LOXL1: variants seen among roughly 807,000 people sequenced by gnomAD.
LOXL1 encodes lysyl oxidase like 1.
LOXL1 carries 31 observed loss-of-function variants against 62.2 expected under a neutral mutation model. The observed-to-expected ratio is 0.50, with a 90% CI of 0.37 to 0.67. The LOEUF (loss-of-function observed/expected upper bound fraction) is 0.67, where lower values mean the gene tolerates loss of function less well. Ranked by LOEUF, LOXL1 falls within the 30% of genes least tolerant of loss-of-function variation. The pLI is 0.00. For synonymous variants in LOXL1, 403 were observed against 384.4 expected (o/e 1.05, Z -0.56); for missense variants, 775 against 843.4 (o/e 0.92, Z 1.00).
chr15:73,936,998 C>T (rs2068677978), intron 1 of LOXL1, among the ~76,000 whole-genome samples: 1 of 152,270 alleles, frequency 6.6e-6, no homozygotes, highest in Non-Finnish European at 1.5e-5. Context: ...TCTCCCTCAT[C>T]ATCCAGATGG....
Position 73,927,829 on chromosome 15 carries a change from C to A in LOXL1, c.1046C>A (p.Ala349Glu). The change falls in exon 1 of 7, where the codon GCG (alanine) becomes GAG (glutamate). Residue 349 changes from alanine to glutamate, a missense_variant. Transcript: ENST00000261921. ...TPPPGGERNG[A>E]QQGRLSVGSV... The stretch of plus-strand genomic sequence containing the variant: ...CCGCCGGGTGGGGAGCGGAACGGCG[C>A]GCAGCAGGGCCGCCTCAGCGTGGGC... 7.4e-7 allele frequency: 1 copy of A among 1,348,458 alleles called. No homozygotes were observed. Among genetic ancestry groups the A allele is most frequent in the Non-Finnish European group, 9.4e-7 (1 of 1,058,512 alleles). The allele number at this position is 1,348,458 out of a possible 1,614,324, so 83.5% of individuals were successfully genotyped here.
Position 73,952,035 on chromosome 15 carries a change from T to G in LOXL1, c.*198T>G. 2.4e-6 allele frequency: 1 copy of G among 414,636 alleles called. No individual in the cohort carries two copies. 25.7% of individuals were successfully genotyped at this position (414,636 alleles called of 1,614,324 possible). ...CCCCATTTTATACTTCACTTTTCTCTACAGTGTTGTTTTGTTGTTGTTGGT... is the reference window on the plus strand; with the variant it reads ...CCCCATTTTATACTTCACTTTTCTCGACAGTGTTGTTTTGTTGTTGTTGGT... On this transcript the variant is annotated 3_prime_UTR_variant, in exon 7 of 7. Transcript: ENST00000261921.
chr15:73,935,833 T>C (rs1240457414), intron 1 of LOXL1, among the ~76,000 whole-genome samples: 1 of 151,682 alleles, frequency 6.6e-6, no homozygotes, highest in Non-Finnish European at 1.5e-5. Flanking sequence ...GGTGGACAGG[T>C]GAGTGCTGTA....
rs8818 is a variant in LOXL1 at position 73,951,937 on chromosome 15, C to G, written c.*100C>G. 0.77 allele frequency: 891,140 copies of G among 1,155,798 alleles called. 347,430 individuals are homozygous for G. Among genetic ancestry groups the G allele is most frequent in the Non-Finnish European group, 0.8 (707,647 of 881,952 alleles). The allele number at this position is 1,155,798 out of a possible 1,614,324, so 71.6% of individuals were successfully genotyped here. On this transcript the variant is annotated 3_prime_UTR_variant, in exon 7 of 7. Transcript: ENST00000261921. ...GGGCCCAGCCCCCAACCCACAGGCA[C>G]GGAGGGGCATCCCTCCCTGCCGGCC...
Position 73,946,581 on chromosome 15 carries a change from C to A in LOXL1, c.1349+27C>A, listed in dbSNP as rs776851581. 1.1e-5 allele frequency: 17 copies of A among 1,583,844 alleles called. No homozygotes were observed. The Admixed American group carries it at 3.0e-4, about 28-fold the overall frequency. On this transcript the variant is annotated intron_variant, in intron 3 of 6. Transcript: ENST00000261921. ...TGAGTGGGGAGGGGCTGGGCCCGTC[C>A]TCTTCCACTTCTCCTCTGGGCCAGG... is the stretch of plus-strand genomic sequence containing the variant.
In LOXL1 at chr15:73,949,459, G is replaced by A. The variant is rs1390252466; in HGVS notation, c.1603G>A (p.Val535Met). 7 of 1,590,026 alleles carry A rather than the reference G, an allele frequency of 4.4e-6. No individual in the cohort carries two copies. Among genetic ancestry groups the A allele is most frequent in the East Asian group, 2.2e-5 (1 of 44,786 alleles). The change falls in exon 6 of 7, where the codon GTG becomes ATG. Residue 535 changes from valine (V) to methionine (M), a missense_variant and splice_region_variant. By Grantham distance (21) the Val-to-Met change is conservative (BLOSUM62 1). Transcript: ENST00000261921. ...DVQPGNYILKVHVNPKYIVLE... is the reference protein window; with the variant it reads ...DVQPGNYILKMHVNPKYIVLE... ...TCTCCCTGTTTCTCTTCTTCCTCAG[G>A]TGCACGTGAACCCAAAGTATATTGT... is the stretch of plus-strand genomic sequence containing the variant.
chr15:73,932,475 G>C (rs1452200307), intron 1 of LOXL1, among the ~76,000 whole-genome samples: 4 of 152,190 alleles, frequency 2.6e-5, no homozygotes, highest in Non-Finnish European at 5.9e-5. Context: ...TCATTCAACA[G>C]ATATTTGAGT....
chr15:73,929,197 C>G (rs2068618043), intron 1 of LOXL1, among the ~76,000 whole-genome samples: 1 of 152,258 alleles, frequency 6.6e-6, no homozygotes, highest in African/African-American at 2.4e-5. Context: ...AGGTTTTCTA[C>G]TCAGTCCCCA....
intron 3 of LOXL1, 142 bp downstream of exon 3, chr15:73,946,696 AC>A: frequency 1.0e-6 from 1 of 955,700 alleles, no homozygotes; most frequent in Non-Finnish European, 1.5e-6. Context: ...TTACCTGCCA[AC>A]TCTTTTCACT....
chr15:73,942,883 T>C lies in LOXL1; in HGVS notation c.1132T>C (p.Tyr378His). ...GLPDLVPDPN[Y>H]VQASTYVQRA... is the part of the protein sequence containing the mutation. ...CCCTGACTTGGTCCCAGACCCCAAC[T>C]ATGTGCAAGCATCCACTTATGTGCA... Residue 378 changes from tyrosine (Y) to histidine (H), a missense_variant, in exon 2 of 7, where the codon TAT becomes CAT. By Grantham distance (83) the Tyr-to-His change is moderately conservative. Coordinates refer to ENST00000261921, the MANE Select transcript of LOXL1 (RefSeq NM_005576.4). The C allele has an allele frequency of 6.2e-7, 1 of 1,614,024 alleles. No homozygotes were observed. Among genetic ancestry groups the C allele is most frequent in the Non-Finnish European group, 8.5e-7 (1 of 1,179,906 alleles).
intron 1 of LOXL1, among the ~76,000 whole-genome samples, chr15:73,934,010 A>C (rs1390858152): frequency 6.6e-6 from 1 of 152,250 alleles, no homozygotes; most frequent in East Asian, 1.9e-4. Context: ...CAGGCATTGC[A>C]GTACCACTTG....
rs2141618557 is a variant in LOXL1, at chr15:73,927,713, C to A, written c.930C>A (p.Tyr310Ter). ...AHGGDPRLGW[Y>*]PPYANPPPEA... ...GCGGAGACCCACGCCTGGGCTGGTA[C>A]CCGCCCTACGCCAACCCGCCGCCCG... The change falls in exon 1 of 7, where the codon TAC (tyrosine) becomes TAA (stop). Residue 310 changes from tyrosine to a stop codon, truncating the protein, a stop_gained. Coordinates refer to ENST00000261921, the MANE Select transcript of LOXL1 (RefSeq NM_005576.4). LOFTEE classifies it high-confidence loss of function. 6.8e-7 allele frequency: 1 copy of A among 1,475,000 alleles called. No individual in the cohort carries two copies. Among genetic ancestry groups the A allele is most frequent in the Non-Finnish European group, 8.9e-7 (1 of 1,120,176 alleles). 91.4% of individuals were successfully genotyped at this position (1,475,000 alleles called of 1,614,324 possible).
intron 6 of LOXL1, 142 bp from the exon 7 acceptor site, chr15:73,951,689 C>A (rs905668198): frequency 1.6e-6 from 1 of 642,092 alleles, no homozygotes; most frequent in Non-Finnish European, 2.4e-6. Context: ...CTGAGGGGGT[C>A]GGAACTTTCT....
intron 1 of LOXL1, among the ~76,000 whole-genome samples, chr15:73,937,391 C>G (rs1280657565): frequency 6.6e-6 from 1 of 152,246 alleles, no homozygotes; most frequent in Non-Finnish European, 1.5e-5. Flanking sequence ...AAGGCTTACC[C>G]CACATCAGTG....
intron 1 of LOXL1, among the ~76,000 whole-genome samples, chr15:73,934,080 AG>A (rs2068653826): frequency 6.6e-6 from 1 of 152,240 alleles, no homozygotes; most frequent in East Asian, 1.9e-4. Context: ...TGGGAAAGCG[AG>A]GCCCCAGAGG....
At chr15:73,944,031 G>T (rs7173840) in intron 2 of LOXL1, among the ~76,000 whole-genome samples, 144,870 of 152,306 alleles carry the variant, frequency 0.95, 69,121 homozygotes, top group East Asian at 1. Context: ...GAGTGATTAG[G>T]AATGTTGTCG....
At chr15:73,949,890 C>G (rs532057854) in intron 6 of LOXL1, among the ~76,000 whole-genome samples, 1 of 152,158 alleles carries the variant, frequency 6.6e-6, no homozygotes, top group African/African-American at 2.4e-5. Flanking sequence ...ACAGCTTCCT[C>G]GCTATGTGAC....
At chr15:73,949,939 A>T (rs1288399501) in intron 6 of LOXL1, among the ~76,000 whole-genome samples, 1 of 152,096 alleles carries the variant, frequency 6.6e-6, no homozygotes, top group Non-Finnish European at 1.5e-5. Context: ...TCAACTATAA[A>T]ATAGGTATTT....
At chr15:73,933,620 A>C (rs926592511) in intron 1 of LOXL1, among the ~76,000 whole-genome samples, 3 of 152,174 alleles carry the variant, frequency 2.0e-5, no homozygotes, top group Non-Finnish European at 2.9e-5. Context: ...CTCTGCTCTC[A>C]GAAGGTGTAC....
Sources: allele counts gnomAD v4.1 joint callset (sites outside exome capture counted in the v4.1 genomes callset), GRCh38; gene constraint gnomAD v4.1.1; transcripts MANE v1.5; gene names NCBI Gene and HGNC (gene_info 2026-07-23, HGNC 2026-07-21).